LVRN: variants seen among roughly 807,000 people sequenced by gnomAD.
LVRN encodes the protein aminopeptidase Q.
Under a neutral mutation model 111.4 loss-of-function variants are expected in LVRN, and 99 were observed. That is an observed-to-expected ratio of 0.89 (90% CI 0.76 to 1.05). The LOEUF is 1.05. Among genes scored for constraint, LVRN ranks in the 50% least tolerant of loss-of-function variants. LVRN has a pLI of 0.00. For synonymous variants in LVRN, 488 were observed against 449.5 expected, an observed-to-expected ratio of 1.09 and a Z score of -1.08; for missense variants, 1,414 against 1,206.8, an observed-to-expected ratio of 1.17 and a Z score of -2.54.
At chr5:116,020,005 G>A (rs796914080) in intron 18 of LVRN, 2 of 152,400 alleles carry the variant, frequency 1.3e-5, no homozygotes, top group African/African-American at 4.8e-5. Flanking sequence ...ATCGCCAATA[G>A]CAGTGCAGGA....
chr5:116,005,090 C>A (rs1056940182), intron 12 of LVRN, among the ~76,000 whole-genome samples: 1 of 152,120 alleles, frequency 6.6e-6, no homozygotes, highest in Non-Finnish European at 1.5e-5. Context: ...ATTTCTACGA[C>A]ATAATTGGTG....
chr5:115,967,200 G>A (rs1198069160), intron 1 of LVRN, among the ~76,000 whole-genome samples: 1 of 152,154 alleles, frequency 6.6e-6, no homozygotes, highest in African/African-American at 2.4e-5. Context: ...GGATCATGCT[G>A]TTGGTGTCAT....
At chr5:116,005,013 T>C (rs1239483748) in intron 12 of LVRN, among the ~76,000 whole-genome samples, 3 of 152,218 alleles carry the variant, frequency 2.0e-5, no homozygotes, top group African/African-American at 7.2e-5. Flanking sequence ...AGCACGAGGT[T>C]ATGTCATTAT....
intron 1 of LVRN, among the ~76,000 whole-genome samples, chr5:115,964,036 C>G (rs965249626): frequency 6.6e-6 from 1 of 152,248 alleles, no homozygotes; most frequent in Non-Finnish European, 1.5e-5. Flanking sequence ...TCTTTTTACA[C>G]TCATTTGAGA....
chr5:115,971,284 CT>C (rs34534965), intron 1 of LVRN, among the ~76,000 whole-genome samples: 121,256 of 151,942 alleles, frequency 0.8, 48,563 homozygotes, highest in African/African-American at 0.84. Flanking sequence ...TGTGGCTTGT[CT>C]TTGTATTCTT....
intron 12 of LVRN, among the ~76,000 whole-genome samples, chr5:116,003,701 C>T (rs1033455702): frequency 1.3e-5 from 2 of 151,912 alleles, no homozygotes; most frequent in Non-Finnish European, 2.9e-5. Context: ...CCTGCCTCAG[C>T]CTCCGGAGTA....
At chr5:115,993,238 A>C (rs111776873) in intron 5 of LVRN, among the ~76,000 whole-genome samples, 1 of 100,184 alleles carries the variant, frequency 1.0e-5, no homozygotes, top group Non-Finnish European at 2.0e-5. Context: ...GAAAATAATT[A>C]ACAGCTGAGC....
At chr5:115,964,954 T>G (rs1010994884) in intron 1 of LVRN, among the ~76,000 whole-genome samples, 2 of 152,200 alleles carry the variant, frequency 1.3e-5, no homozygotes, top group Non-Finnish European at 1.5e-5. Context: ...ATGAAGAACC[T>G]GCAACAGAAG....
chr5:115,978,416 C>G (rs1013180271), intron 1 of LVRN, among the ~76,000 whole-genome samples: 2 of 152,120 alleles, frequency 1.3e-5, no homozygotes, highest in African/African-American at 4.8e-5. Flanking sequence ...TTAGTAAAAA[C>G]ACAACTTCGT....
At position 116,026,287 on chromosome 5, in the gene LVRN, G is replaced by T. The variant is rs1447403146; in HGVS notation, c.*169G>T. ...CATATTGTCATGTTTGGCCCTGAGGGTGGGTGATTGCTGACAATTTTGCCA... is the reference window on the plus strand; with the variant it reads ...CATATTGTCATGTTTGGCCCTGAGGTTGGGTGATTGCTGACAATTTTGCCA... On this transcript the variant is annotated 3_prime_UTR_variant, in exon 20 of 20. Coordinates refer to ENST00000357872, the MANE Select transcript of LVRN (RefSeq NM_173800.5). The T allele has an allele frequency of 2.0e-6, 2 of 1,003,042 alleles. No individual in the cohort carries two copies. Among genetic ancestry groups the T allele is most frequent in the South Asian group, 1.6e-5 (1 of 60,846 alleles). 62.1% of individuals were successfully genotyped at this position (1,003,042 alleles called of 1,614,324 possible).
intron 4 of LVRN, among the ~76,000 whole-genome samples, chr5:115,990,152 A>G (rs1385678846): frequency 4.6e-5 from 7 of 152,218 alleles, no homozygotes; most frequent in Non-Finnish European, 8.8e-5. Flanking sequence ...TGTTGCTATC[A>G]TTTTAATTCA....
intron 5 of LVRN, 47 bp from the exon 6 acceptor site, chr5:115,993,694 A>T: frequency 1.6e-6 from 2 of 1,266,274 alleles, no homozygotes; most frequent in Non-Finnish European, 2.3e-6. Context: ...AATATAACTT[A>T]AAAATTAAAT....
In LVRN at chr5:116,015,614, A is replaced by G; in HGVS notation, c.2619-14A>G. ...GATGTTTAAAATGTATTTTTTGAAA[A>G]TGCACTTTTGCAGATATATGGAGTA... On this transcript the variant is annotated splice_polypyrimidine_tract_variant and intron_variant, in intron 17 of 19. Coordinates refer to ENST00000357872, the MANE Select transcript of LVRN (RefSeq NM_173800.5). The G allele has an allele frequency of 3.8e-6, 6 of 1,580,792 alleles. No individual in the cohort carries two copies. Among genetic ancestry groups the G allele is most frequent in the Non-Finnish European group, 5.1e-6 (6 of 1,165,932 alleles).
intron 10 of LVRN, among the ~76,000 whole-genome samples, chr5:116,002,394 G>T (rs1748254324): frequency 6.6e-6 from 1 of 152,234 alleles, no homozygotes; most frequent in African/African-American, 2.4e-5. Flanking sequence ...ATAGTTTTCA[G>T]ATGGGGAGAA....
At chr5:116,017,109 G>A (rs1329873669) in intron 18 of LVRN, among the ~76,000 whole-genome samples, 1 of 152,154 alleles carries the variant, frequency 6.6e-6, no homozygotes, top group Non-Finnish European at 1.5e-5. Context: ...CATGTGATTT[G>A]AACAAGCACA....
At chr5:115,969,281 T>C (rs1753270431) in intron 1 of LVRN, among the ~76,000 whole-genome samples, 1 of 152,136 alleles carries the variant, frequency 6.6e-6, no homozygotes, top group South Asian at 2.1e-4. Context: ...TTTTTTCCTG[T>C]TTTGTACTTT....
Position 115,963,257 on chromosome 5 carries a change from G to T in LVRN, c.640G>T (p.Glu214Ter), listed in dbSNP as rs1452062810. Residue 214 changes from glutamate to a stop codon, truncating the protein, a stop_gained, in exon 1 of 20, where the codon GAA becomes TAA. Coordinates refer to ENST00000357872, the MANE Select transcript of LVRN (RefSeq NM_173800.5). LOFTEE classifies it high-confidence loss of function. ...LQLSFSGLVKEDLREGLFLNV... is the reference protein window; with the variant it reads ...LQLSFSGLVK ...GCTTAGCTTCTCGGGCCTGGTGAAGGAAGACCTCAGGGAGGGACTCTTCCT... is the reference window on the plus strand; with the variant it reads ...GCTTAGCTTCTCGGGCCTGGTGAAGTAAGACCTCAGGGAGGGACTCTTCCT... 6.2e-7 allele frequency: 1 copy of T among 1,612,780 alleles called. No homozygotes were observed. The highest frequency in any genetic ancestry group is 1.3e-5 in the African/African-American group (1 of 75,040).
At chr5:115,979,272 T>C (rs772966982) in intron 1 of LVRN, among the ~76,000 whole-genome samples, 6 of 152,090 alleles carry the variant, frequency 3.9e-5, no homozygotes, top group Admixed American at 1.3e-4. Context: ...ACCTTGGCCA[T>C]ACCATCAATT....
At chr5:116,009,551 C>T (rs1053433820) in intron 13 of LVRN, among the ~76,000 whole-genome samples, 8 of 152,052 alleles carry the variant, frequency 5.3e-5, no homozygotes, top group Admixed American at 1.3e-4. Context: ...AATGCCATTA[C>T]GAACATTTGC....
Sources: allele counts gnomAD v4.1 joint callset (sites outside exome capture counted in the v4.1 genomes callset), GRCh38; gene constraint gnomAD v4.1.1; transcripts MANE v1.5; gene names NCBI Gene and HGNC (gene_info 2026-07-23, HGNC 2026-07-21).